Variants in BPIFC observed in about 807,000 individuals in gnomAD.
The protein encoded by BPIFC is BPI fold-containing family C protein.
BPIFC carries 60 observed loss-of-function variants against 57.6 expected under a neutral mutation model. That is an observed-to-expected ratio of 1.04 (90% confidence interval 0.85 to 1.29). The LOEUF is 1.29. Among genes scored for constraint, BPIFC ranks in the 50% most tolerant of loss-of-function variants. The pLI is 0.00. For missense variants in BPIFC, 581 were observed against 600.5 expected (o/e 0.97, Z 0.34); for synonymous variants, 243 against 224.5 (o/e 1.08, Z -0.74).
At chr22:32,423,516 C>A (rs1341735101) in intron 13 of BPIFC, among the ~76,000 whole-genome samples, 1 of 150,838 alleles carries the variant, frequency 6.6e-6, no homozygotes, top group Non-Finnish European at 1.5e-5. Context: ...ATTCCATCTG[C>A]TTGTAGTCAG....
Position 32,457,341 on chromosome 22 carries a change from A to G in BPIFC, c.46T>C (p.Trp16Arg), listed in dbSNP as rs542340433. 48 of 1,610,616 alleles carry G rather than the reference A, an allele frequency of 3.0e-5. No homozygotes were observed. The South Asian group carries it at 5.0e-4, about 17-fold the overall frequency. The stretch of plus-strand genomic sequence containing the variant: ...TGAGAGGATGAGACATAGAGATTCC[A>G]CAGGAGGAAACATCCCCAGAGGACT... ...IPVLWGCFLL[W>R]NLYVSSSQTI... is the part of the protein sequence containing the mutation. Residue 16 changes from tryptophan (W) to arginine (R), a missense_variant, in exon 3 of 17, where the codon TGG (tryptophan) becomes CGG (arginine). Coordinates refer to ENST00000300399, the MANE Select transcript of BPIFC (RefSeq NM_174932.3).
In BPIFC at chr22:32,414,226, T is replaced by C; in HGVS notation, c.*77A>G. On this transcript the variant is annotated 3_prime_UTR_variant, in exon 17 of 17. Transcript: ENST00000300399. ...AGGGCTTTACAATTCCAGTGTGTAC[T>C]GTCTTTCCCTTCTGGGTTTACAGTA... The C allele has an allele frequency of 1.3e-6, 2 of 1,559,382 alleles. No individual in the cohort carries two copies. The highest frequency in any genetic ancestry group is 2.4e-5 in the South Asian group (2 of 82,728).
chr22:32,420,893 G>C (rs1021514107), intron 13 of BPIFC, among the ~76,000 whole-genome samples: 18 of 152,192 alleles, frequency 1.2e-4, no homozygotes, highest in Admixed American at 7.2e-4. Flanking sequence ...CAGGGCTGTA[G>C]TGAAAATTGA....
intron 14 of BPIFC, 48 bp downstream of exon 14, chr22:32,419,314 A>C (rs201693028): frequency 6.4e-7 from 1 of 1,561,052 alleles, no homozygotes; most frequent in Non-Finnish European, 8.8e-7. Flanking sequence ...TAGTAGGAGA[A>C]TCCTCGTTCT....
At position 32,425,663 on chromosome 22, in the gene BPIFC, G is replaced by A. The variant is rs577755333; in HGVS notation, c.1217+5684C>T. ...GGGCCTTTACCGTCTATTAGGTCCC[G>A]TGCCAAGCCCGGTGCCTCTGTCATT... On this transcript the variant is annotated intron_variant, in intron 13 of 16. Transcript: ENST00000300399. 9.5e-4 allele frequency among the ~76,000 whole-genome samples: 145 copies of A among 152,190 alleles called. 3 individuals are homozygous for A. In the South Asian group the frequency reaches 0.027, roughly 28 times the overall value.
At position 32,436,614 on chromosome 22, in the gene BPIFC, G is replaced by A. The variant is rs557538823; in HGVS notation, c.748-734C>T. ...ATTTAGGTGTGTCTGTTTCACCCCA[G>A]GGTGTAACCCAATGAGAACCCTTGT... On this transcript the variant is annotated intron_variant, in intron 9 of 16. Transcript: ENST00000300399. 9.2e-4 allele frequency among the ~76,000 whole-genome samples: 140 copies of A among 152,314 alleles called. 2 individuals carry two copies. The highest frequency in any genetic ancestry group is 3.0e-3 in the African/African-American group (123 of 41,574).
intron 13 of BPIFC, among the ~76,000 whole-genome samples, chr22:32,424,260 A>C (rs888197420): frequency 6.6e-6 from 1 of 152,216 alleles, no homozygotes; most frequent in Non-Finnish European, 1.5e-5. Flanking sequence ...TCAAATCCAG[A>C]TATGCCTGAC....
intron 13 of BPIFC, among the ~76,000 whole-genome samples, chr22:32,421,856 G>C (rs567492536): frequency 6.6e-6 from 1 of 152,160 alleles, no homozygotes; most frequent in Non-Finnish European, 1.5e-5. Flanking sequence ...ACAATTTCGT[G>C]GAGTCAAAAT....
Position 32,431,368 on chromosome 22 carries a change from A to T in BPIFC, c.1196T>A (p.Val399Asp), listed in dbSNP as rs1256778808. 2 of 1,607,886 alleles carry T rather than the reference A, an allele frequency of 1.2e-6. No homozygotes were observed. The highest frequency in any genetic ancestry group is 4.5e-5 in the East Asian group (2 of 44,870). ...TTACCTGTTCAGAGACAAGGAGCAG[A>T]CCAGTCTTTGTCCCAAAATAACCAG... ...VGLVILGQRL[V>D]CSLSLNRFRL... Residue 399 changes from valine to aspartate, a missense_variant, in exon 13 of 17, where the codon GTC (valine) becomes GAC (aspartate). Coordinates refer to ENST00000300399, the MANE Select transcript of BPIFC (RefSeq NM_174932.3).
chr22:32,445,355 G>A (rs1934689133), intron 7 of BPIFC, among the ~76,000 whole-genome samples: 2 of 152,160 alleles, frequency 1.3e-5, no homozygotes, highest in African/African-American at 2.4e-5. Context: ...GGCCAACACA[G>A]TGAAACCCCG....
In BPIFC at chr22:32,453,613, T is replaced by G. The variant is rs991860363; in HGVS notation, c.125-110A>C. On this transcript the variant is annotated intron_variant, in intron 3 of 16. Transcript: ENST00000300399. ...TGAGTGAGACATGCCCTTAGATACT[T>G]AGAAAATGGCAACCCCACAAAGTGG... 3 of 1,314,880 alleles carry G rather than the reference T, an allele frequency of 2.3e-6. No homozygotes were observed. The African/African-American group carries it at 4.5e-5, about 20-fold the overall frequency. 81.5% of individuals were successfully genotyped at this position (1,314,880 alleles called of 1,614,324 possible).
At chr22:32,459,013 G>T (rs962404545) in intron 2 of BPIFC, among the ~76,000 whole-genome samples, 36 of 152,158 alleles carry the variant, frequency 2.4e-4, no homozygotes, top group African/African-American at 8.4e-4. Flanking sequence ...TGAAGCACAG[G>T]TCCCAAAAGC....
At chr22:32,457,017 A>G (rs1198048872) in intron 3 of BPIFC, among the ~76,000 whole-genome samples, 1 of 152,212 alleles carries the variant, frequency 6.6e-6, no homozygotes, top group Non-Finnish European at 1.5e-5. Flanking sequence ...TTATGTGTAT[A>G]TATGGGAAAG....
intron 13 of BPIFC, among the ~76,000 whole-genome samples, chr22:32,420,479 T>C (rs1470046445): frequency 6.6e-6 from 1 of 152,196 alleles, no homozygotes; most frequent in Admixed American, 6.5e-5. Flanking sequence ...ACCATTTTTT[T>C]AGCTGTTCAA....
intron 3 of BPIFC, among the ~76,000 whole-genome samples, chr22:32,454,069 C>A (rs1934973251): frequency 6.6e-6 from 1 of 152,160 alleles, no homozygotes; most frequent in Non-Finnish European, 1.5e-5. Flanking sequence ...CATGATTGCA[C>A]CATTGTACTC....
At chr22:32,439,131 G>A (rs542166884) in intron 8 of BPIFC, among the ~76,000 whole-genome samples, 5 of 152,100 alleles carry the variant, frequency 3.3e-5, no homozygotes, top group African/African-American at 1.2e-4. Context: ...TTTGAGACCA[G>A]CCTGACCAAC....
At chr22:32,441,993 G>C (rs1173044538) in intron 8 of BPIFC, among the ~76,000 whole-genome samples, 1 of 152,178 alleles carries the variant, frequency 6.6e-6, no homozygotes, top group African/African-American at 2.4e-5. Context: ...TCTGACAGGA[G>C]GCAGAGCTCA....
intron 13 of BPIFC, among the ~76,000 whole-genome samples, chr22:32,423,755 A>G (rs1284541113): frequency 6.6e-6 from 1 of 151,792 alleles, no homozygotes; most frequent in African/African-American, 2.4e-5. Flanking sequence ...GCATGGGATT[A>G]AGAAAAGAGG....
chr22:32,459,560 C>T (rs1013738275), intron 2 of BPIFC, among the ~76,000 whole-genome samples: 11 of 151,788 alleles, frequency 7.2e-5, no homozygotes, highest in East Asian at 1.9e-4. Context: ...CTACTCGGGA[C>T]GCTGAGGCAG....
Sources: gnomAD v4.1 joint callset for allele counts (sites outside exome capture counted in the v4.1 genomes callset) on GRCh38, gnomAD v4.1.1 for gene constraint, MANE v1.5 for transcripts, NCBI Gene and HGNC (gene_info 2026-07-23, HGNC 2026-07-21) for gene names.